TBC1D22A: variants seen among roughly 807,000 people sequenced by gnomAD.
TBC1D22A encodes putative GTPase activator.
In TBC1D22A, 38 loss-of-function variants were observed where a neutral mutation model predicts 60.2. That is an observed-to-expected ratio of 0.63 (90% CI 0.49 to 0.83). The LOEUF (loss-of-function observed/expected upper bound fraction) is 0.83. Among genes scored for constraint, TBC1D22A ranks in the 40% least tolerant of loss-of-function variants. The pLI is 0.00. For missense variants in TBC1D22A, 628 were observed against 701.0 expected (o/e 0.90, Z 1.18); for synonymous variants, 302 against 281.7 (o/e 1.07, Z -0.72).
intron 7 of TBC1D22A, among the ~76,000 whole-genome samples, chr22:46,907,021 C>T (rs868861491): frequency 3.3e-5 from 5 of 151,980 alleles, no homozygotes; most frequent in South Asian, 2.1e-4. Flanking sequence ...TCTGTGTGCA[C>T]GCTTCGTATG....
chr22:47,065,186 C>T (rs973850208), intron 11 of TBC1D22A, among the ~76,000 whole-genome samples: 1 of 152,140 alleles, frequency 6.6e-6, no homozygotes, highest in African/African-American at 2.4e-5. Flanking sequence ...TTATTAGAGA[C>T]AGGGTTTCAC....
Position 46,894,846 on chromosome 22 carries a change from G to A in TBC1D22A, c.900G>A (p.Glu300=). The A allele has an allele frequency of 6.2e-7, 1 of 1,614,222 alleles. No homozygotes were observed. The highest frequency in any genetic ancestry group is 8.5e-7 in the Non-Finnish European group (1 of 1,180,032). ...TGATCCTGCAGCCCAAGGTGACGGA[G>A]GTAAGAAGCTCTTGCCGTGGGGAGT... ...EALILQPKVT[E]IFERILFIWA... The change falls in exon 7 of 13, where the codon GAG becomes GAA. Residue 300 remains glutamate (E), a splice_region_variant and synonymous_variant. Coordinates refer to ENST00000337137, the MANE Select transcript of TBC1D22A (RefSeq NM_014346.5).
At chr22:46,850,215 G>C (rs1402923636) in intron 4 of TBC1D22A, among the ~76,000 whole-genome samples, 2 of 152,190 alleles carry the variant, frequency 1.3e-5, no homozygotes, top group Non-Finnish European at 2.9e-5. Flanking sequence ...TCTCTGCCCT[G>C]TCTCTCAGGA....
chr22:47,047,565 T>A (rs1324267355), intron 11 of TBC1D22A, among the ~76,000 whole-genome samples: 1 of 152,226 alleles, frequency 6.6e-6, no homozygotes, highest in Non-Finnish European at 1.5e-5. Context: ...GTCCTGGGGC[T>A]GTCGGGAAGC....
chr22:47,124,693 C>T (rs953552171), intron 12 of TBC1D22A, among the ~76,000 whole-genome samples: 3 of 151,994 alleles, frequency 2.0e-5, no homozygotes, highest in Admixed American at 6.5e-5. Context: ...GGGAGTGGGC[C>T]GCAGGGCGAG....
intron 11 of TBC1D22A, among the ~76,000 whole-genome samples, chr22:47,107,761 A>C (rs2065690530): frequency 6.6e-6 from 1 of 152,250 alleles, no homozygotes; most frequent in South Asian, 2.1e-4. Context: ...AAAAAGAAGA[A>C]GACACAAGTG....
At chr22:47,098,366 G>A (rs1313052468) in intron 11 of TBC1D22A, among the ~76,000 whole-genome samples, 1 of 152,180 alleles carries the variant, frequency 6.6e-6, no homozygotes, top group Non-Finnish European at 1.5e-5. Context: ...GCAGCATGGG[G>A]CGTGTCCAAA....
At chr22:46,802,287 C>T (rs539147949) in intron 4 of TBC1D22A, among the ~76,000 whole-genome samples, 6 of 152,314 alleles carry the variant, frequency 3.9e-5, no homozygotes, top group South Asian at 2.1e-4. Flanking sequence ...AGAGGGAGCT[C>T]GCTCAGTACC....
intron 4 of TBC1D22A, among the ~76,000 whole-genome samples, chr22:46,836,698 TA>T (rs1194338663): frequency 6.6e-6 from 1 of 151,918 alleles, no homozygotes; most frequent in Admixed American, 6.6e-5. Context: ...CTGAATAGAT[TA>T]AAAAAACAAG....
intron 8 of TBC1D22A, chr22:46,913,397 A>T: frequency 7.3e-7 from 1 of 1,366,464 alleles, no homozygotes; most frequent in Non-Finnish European, 9.8e-7. Context: ...GATGAGCCTT[A>T]CCCGAGGACA....
At chr22:47,133,814 G>A (rs1332120627) in intron 12 of TBC1D22A, among the ~76,000 whole-genome samples, 3 of 152,154 alleles carry the variant, frequency 2.0e-5, no homozygotes, top group African/African-American at 7.2e-5. Context: ...ATCCAGCAGC[G>A]GCTTCAGGCT....
rs575784249 is a variant in TBC1D22A at position 47,108,863 on chromosome 22, T to G, written c.1330-2645T>G. On this transcript the variant is annotated intron_variant, in intron 11 of 12. Transcript: ENST00000337137. Reference sequence around the variant, plus strand: ...GGCACCCGCCACCATGCCCAGCTAATTTTTTGTATTTTTAGTAGAGTCGGG... The same window carrying G: ...GGCACCCGCCACCATGCCCAGCTAAGTTTTTGTATTTTTAGTAGAGTCGGG... 1.7e-3 allele frequency among the ~76,000 whole-genome samples: 260 copies of G among 152,204 alleles called. 2 individuals carry two copies. Among genetic ancestry groups the G allele is most frequent in the African/African-American group, 6.1e-3 (255 of 41,524 alleles).
intron 12 of TBC1D22A, among the ~76,000 whole-genome samples, chr22:47,145,350 G>T (rs930918062): frequency 6.6e-6 from 1 of 152,196 alleles, no homozygotes. Flanking sequence ...CGAGAGGGCC[G>T]CTGCTCTGTG....
intron 10 of TBC1D22A, among the ~76,000 whole-genome samples, chr22:47,010,004 G>C (rs1855119351): frequency 6.6e-6 from 1 of 152,218 alleles, no homozygotes; most frequent in Non-Finnish European, 1.5e-5. Flanking sequence ...TCACCTATAA[G>C]GAAGAAAATG....
chr22:46,817,553 G>T (rs1601992667), intron 4 of TBC1D22A, among the ~76,000 whole-genome samples: 1 of 152,162 alleles, frequency 6.6e-6, no homozygotes, highest in East Asian at 1.9e-4. Context: ...ATAGCTTCCA[G>T]CTTCATCCAT....
chr22:47,046,722 C>A (rs969926527), intron 11 of TBC1D22A, among the ~76,000 whole-genome samples: 2 of 152,188 alleles, frequency 1.3e-5, no homozygotes, highest in African/African-American at 4.8e-5. Context: ...AGCCTCCTCC[C>A]CGCACTTGTC....
At chr22:46,910,498 C>A (rs142447237) in intron 7 of TBC1D22A, among the ~76,000 whole-genome samples, 3 of 152,252 alleles carry the variant, frequency 2.0e-5, no homozygotes, top group African/African-American at 7.2e-5. Context: ...ATTCATCCAT[C>A]TGTCGGAGCG....
At chr22:46,898,161 G>T (rs899959510) in intron 7 of TBC1D22A, among the ~76,000 whole-genome samples, 1 of 152,066 alleles carries the variant, frequency 6.6e-6, no homozygotes, top group African/African-American at 2.4e-5. Context: ...CCTACCACTT[G>T]CTGCATTCTT....
chr22:46,887,121 A>G (rs1020712737), intron 5 of TBC1D22A, among the ~76,000 whole-genome samples: 4 of 152,246 alleles, frequency 2.6e-5, no homozygotes, highest in African/African-American at 9.6e-5. Flanking sequence ...CTATCTGGAT[A>G]TGAACACCTG....
Sources: gnomAD v4.1 joint callset for allele counts (sites outside exome capture counted in the v4.1 genomes callset) on GRCh38, gnomAD v4.1.1 for gene constraint, MANE v1.5 for transcripts, NCBI Gene and HGNC (gene_info 2026-07-23, HGNC 2026-07-21) for gene names.